The following RASGEF1C variants were observed in gnomAD, a reference collection of about 807,000 sequenced individuals.
RASGEF1C encodes ras-GEF domain-containing family member 1C.
Under a neutral mutation model 58.1 loss-of-function variants are expected in RASGEF1C, and 27 were observed. That is an observed-to-expected ratio of 0.46 (90% CI 0.34 to 0.64). RASGEF1C has a LOEUF of 0.64. Ranked by LOEUF, RASGEF1C falls within the 30% of genes least tolerant of loss-of-function variation. RASGEF1C has a pLI of 0.01. For synonymous variants in RASGEF1C, 243 were observed against 246.3 expected (o/e 0.99, Z 0.13); for missense variants, 502 against 605.1 (o/e 0.83, Z 1.79).
At chr5:180,202,938 G>A (rs2127564563) in intron 1 of RASGEF1C, among the ~76,000 whole-genome samples, 1 of 152,112 alleles carries the variant, frequency 6.6e-6, no homozygotes, top group South Asian at 2.1e-4. Context: ...TCCTGACCTC[G>A]TGATGCACCC....
intron 1 of RASGEF1C, among the ~76,000 whole-genome samples, chr5:180,163,170 C>T (rs934057817): frequency 1.4e-5 from 2 of 146,242 alleles, no homozygotes; most frequent in South Asian, 2.2e-4. Context: ...TGTCTGTAAA[C>T]AGACAGTTTT....
chr5:180,200,929 T>C (rs1175872591), intron 1 of RASGEF1C, among the ~76,000 whole-genome samples: 1 of 151,654 alleles, frequency 6.6e-6, no homozygotes, highest in African/African-American at 2.4e-5. Flanking sequence ...GACCAAGAAC[T>C]ATGAAAAAAA....
intron 1 of RASGEF1C, among the ~76,000 whole-genome samples, chr5:180,202,658 G>A (rs1581133334): frequency 6.6e-6 from 1 of 151,480 alleles, no homozygotes; most frequent in African/African-American, 2.4e-5. Flanking sequence ...CAAGTAGCAA[G>A]AGTATAGAAA....
chr5:180,110,391 C>CTTT, intron 12 of RASGEF1C, among the ~76,000 whole-genome samples: 1 of 66,366 alleles, frequency 1.5e-5, no homozygotes, highest in Admixed American at 1.8e-4. Flanking sequence ...GATCCTTCTC[C>CTTT]CTTTTTTTTT....
rs148285271 is a variant in RASGEF1C at position 180,175,265 on chromosome 5, C to A, written c.-7+33763G>T. Among the ~76,000 whole-genome samples, 83 of 152,326 alleles carry A rather than the reference C, an allele frequency of 5.4e-4. No homozygotes were observed. The East Asian group carries it at 0.015, about 28-fold the overall frequency. ...CGGGGAAAGGCGTTTCTGTGCAGGGCAGGCACTGGACACCTGTGCCCACCC... is the reference window on the plus strand; with the variant it reads ...CGGGGAAAGGCGTTTCTGTGCAGGGAAGGCACTGGACACCTGTGCCCACCC... On this transcript the variant is annotated intron_variant, in intron 1 of 13. Transcript: ENST00000361132.
At chr5:180,182,188 G>C (rs1230532912) in intron 1 of RASGEF1C, among the ~76,000 whole-genome samples, 2 of 95,490 alleles carry the variant, frequency 2.1e-5, no homozygotes, top group African/African-American at 9.0e-5. Flanking sequence ...CTGGGCAACA[G>C]AGCAAGACTC....
rs1192474788 is a variant in RASGEF1C at position 180,155,098 on chromosome 5, A to T, written c.-6-17040T>A. 6.6e-6 allele frequency among the ~76,000 whole-genome samples: 1 copy of T among 152,160 alleles called. No individual in the cohort carries two copies. The highest frequency in any genetic ancestry group is 1.5e-5 in the Non-Finnish European group (1 of 68,022). ...GCTTCTGGGCAGCCCTGATGGACTG[A>T]GCTGAAGGAGAGGCCTCAGACCACA... On this transcript the variant is annotated intron_variant, in intron 1 of 13. Transcript: ENST00000361132. This position sits in a 1 kb window ranked among gnomAD's most constrained non-coding sequence, Gnocchi z 5.2.
At chr5:180,128,650 A>G in intron 4 of RASGEF1C, 40 bp from the exon 5 acceptor site, 1 of 1,584,418 alleles carries the variant, frequency 6.3e-7, no homozygotes, top group Non-Finnish European at 8.6e-7. Flanking sequence ...CTGAACACTC[A>G]TCTCTGCATC....
In RASGEF1C at chr5:180,158,807, G is replaced by A. The variant is rs2113298851; in HGVS notation, c.-6-20749C>T. Among the ~76,000 whole-genome samples, 1 of 152,164 alleles carries A rather than the reference G, an allele frequency of 6.6e-6. No homozygotes were observed. The highest frequency in any genetic ancestry group is 2.4e-5 in the African/African-American group (1 of 41,514). On this transcript the variant is annotated intron_variant, in intron 1 of 13. Transcript: ENST00000361132. This position sits in a 1 kb window ranked among gnomAD's most constrained non-coding sequence, Gnocchi z 4.0. ...CTGGAATCTCGTGCCCTTCAGTGCT[G>A]GAAAACTTTCTTAAATCATTTCACA...
chr5:180,135,022 C>T (rs112395482), intron 4 of RASGEF1C, among the ~76,000 whole-genome samples: 11 of 138,420 alleles, frequency 7.9e-5, no homozygotes, highest in African/African-American at 3.0e-4. Context: ...CAGCCAGCAC[C>T]CCATCCCGTT....
At chr5:180,149,754 G>A (rs752599069) in intron 1 of RASGEF1C, among the ~76,000 whole-genome samples, 2 of 152,122 alleles carry the variant, frequency 1.3e-5, no homozygotes. Context: ...GCGCCCAGCC[G>A]AGGACCCCTT....
intron 10 of RASGEF1C, among the ~76,000 whole-genome samples, chr5:180,118,298 A>AC (rs1766103073): frequency 1.3e-5 from 2 of 152,264 alleles, no homozygotes; most frequent in African/African-American, 4.8e-5. Context: ...AGGAGAGGCC[A>AC]TGGGGGCTCT....
intron 11 of RASGEF1C, 129 bp downstream of exon 11, chr5:180,114,317 G>T: frequency 2.6e-6 from 2 of 772,432 alleles, no homozygotes; most frequent in Middle Eastern, 2.5e-4. Context: ...ACCTTGCCAA[G>T]GTCGGCTGTG....
chr5:180,161,133 A>T (rs950828231), intron 1 of RASGEF1C, among the ~76,000 whole-genome samples: 2 of 151,988 alleles, frequency 1.3e-5, no homozygotes, highest in African/African-American at 4.8e-5. Flanking sequence ...GAAAAATGGG[A>T]CTCTTCTTCT....
At chr5:180,191,074 A>G (rs1756153739) in intron 1 of RASGEF1C, among the ~76,000 whole-genome samples, 1 of 152,226 alleles carries the variant, frequency 6.6e-6, no homozygotes, top group Admixed American at 6.5e-5. Context: ...GGAAGTGAAA[A>G]TCGAAATCAC....
chr5:180,151,648 A>G (rs1230451435), intron 1 of RASGEF1C, among the ~76,000 whole-genome samples: 1 of 152,090 alleles, frequency 6.6e-6, no homozygotes, highest in Non-Finnish European at 1.5e-5. Context: ...CATTCAGGAC[A>G]TAGGCATAGG....
At position 180,143,642 on chromosome 5, in the gene RASGEF1C, T is replaced by TA. The variant is rs557693592; in HGVS notation, c.-6-5585dup. Among the ~76,000 whole-genome samples the TA allele has an allele frequency of 5.6e-4, 85 of 152,292 alleles. No individual in the cohort carries two copies. The East Asian group carries it at 0.012, about 22-fold the overall frequency. On this transcript the variant is annotated intron_variant, in intron 1 of 13. Coordinates refer to ENST00000361132, the MANE Select transcript of RASGEF1C (RefSeq NM_175062.4). The surrounding 1 kb of genome is among the most constrained non-coding windows in gnomAD (Gnocchi z 4.3). ...TCCAGGACATCCAGGACTCCTGACT[T>TA]ACGTTTCATATTGTGATTGTAAGGG...
chr5:180,157,014 C>T (rs1234740074), intron 1 of RASGEF1C, among the ~76,000 whole-genome samples: 2 of 152,174 alleles, frequency 1.3e-5, no homozygotes, highest in Non-Finnish European at 2.9e-5. Context: ...ACTGTCACCA[C>T]CAAATGCTGG....
At chr5:180,189,830 G>A (rs903488106) in intron 1 of RASGEF1C, among the ~76,000 whole-genome samples, 2 of 145,162 alleles carry the variant, frequency 1.4e-5, no homozygotes, top group African/African-American at 2.5e-5. Flanking sequence ...GGCTGAGGCA[G>A]GAGATTTGCT....
Sources: allele counts gnomAD v4.1 joint callset (sites outside exome capture counted in the v4.1 genomes callset), GRCh38; gene constraint gnomAD v4.1.1; non-coding constraint Gnocchi (gnomAD v3.1); transcripts MANE v1.5; gene names NCBI Gene and HGNC (gene_info 2026-07-23, HGNC 2026-07-21).